The following MYT1L variants were observed in gnomAD, a reference collection of about 807,000 sequenced individuals.
MYT1L encodes the protein myelin transcription factor 1 like, also known as myelin transcription factor 1-like protein.
MYT1L carries 12 observed loss-of-function variants against 126.7 expected under a neutral mutation model. The observed-to-expected ratio is 0.09, with a 90% CI of 0.06 to 0.15. The LOEUF is 0.15. Ranked by LOEUF, MYT1L falls within the 10% of genes least tolerant of loss-of-function variation. The pLI, the probability that MYT1L is intolerant of heterozygous loss-of-function variation, is 1.00. For synonymous variants in MYT1L, 541 were observed against 604.2 expected (o/e 0.90, Z 1.53); for missense variants, 979 against 1,585.2 (o/e 0.62, Z 6.49).
At chr2:1,835,033 T>TACTCCTCCATATACCAC in intron 21 of MYT1L, among the ~76,000 whole-genome samples, 1 of 124,334 alleles carries the variant, frequency 8.0e-6, no homozygotes, top group African/African-American at 3.9e-5. Flanking sequence ...TGGATACAGG[T>TACTCCTCCATATACCAC]GCTCCTCCAC....
chr2:2,327,711 A>T (rs942239860), intron 1 of MYT1L, among the ~76,000 whole-genome samples: 2 of 152,186 alleles, frequency 1.3e-5, no homozygotes. Flanking sequence ...TTGATTGAAA[A>T]TTATAGCCCT....
intron 3 of MYT1L, among the ~76,000 whole-genome samples, chr2:2,163,905 C>G (rs994909880): frequency 4.6e-5 from 7 of 152,228 alleles, no homozygotes; most frequent in African/African-American, 1.7e-4. Context: ...TGTCTGTGAG[C>G]AAAGTTCTTG....
At chr2:2,119,104 C>T (rs778851889) in intron 3 of MYT1L, among the ~76,000 whole-genome samples, 4 of 152,226 alleles carry the variant, frequency 2.6e-5, no homozygotes, top group Admixed American at 1.3e-4. Context: ...TGAAACCTTA[C>T]GCTACCTCTG....
chr2:2,231,695 G>C (rs1235378192), intron 2 of MYT1L, among the ~76,000 whole-genome samples: 1 of 151,962 alleles, frequency 6.6e-6, no homozygotes, highest in East Asian at 1.9e-4. Context: ...CAATCCACCC[G>C]CCTCAGCCTC....
intron 21 of MYT1L, among the ~76,000 whole-genome samples, chr2:1,834,987 G>T (rs55796092): frequency 4.8e-5 from 6 of 123,854 alleles, no homozygotes; most frequent in South Asian, 2.4e-4. Flanking sequence ...CATACCACGG[G>T]GATGGATACA....
chr2:2,063,468 G>A (rs1235201120), intron 3 of MYT1L, among the ~76,000 whole-genome samples: 2 of 152,082 alleles, frequency 1.3e-5, no homozygotes, highest in Non-Finnish European at 2.9e-5. Flanking sequence ...TGCCTCCTGG[G>A]CTCCTGACTA....
intron 1 of MYT1L, among the ~76,000 whole-genome samples, chr2:2,289,016 C>T (rs2095560938): frequency 1.3e-5 from 2 of 152,228 alleles, no homozygotes; most frequent in African/African-American, 4.8e-5. Context: ...TGTTAAGTAG[C>T]TTTCCTGCAG....
Position 1,943,105 on chromosome 2 carries a change from C to T in MYT1L, c.382G>A (p.Asp128Asn), listed in dbSNP as rs1234190034. Residue 128 changes from aspartate (D) to asparagine (N), a missense_variant, in exon 9 of 25, where the codon GAC (aspartate) becomes AAC (asparagine). Asp to Asn is a conservative substitution (Grantham distance 23). This residue lies in a region of MYT1L where 111 missense variants were observed against 115.9 expected (regional missense o/e 0.96). Coordinates refer to ENST00000647738, the MANE Select transcript of MYT1L (RefSeq NM_001303052.2). The surrounding 1 kb of genome is among the most constrained non-coding windows in gnomAD (Gnocchi z 4.4). ...TCGATCTCCTCCTCCTCCTCCCGGT[C>T]CCCCTCCTCGTCCTCCTCGTCCTCA... The part of the protein sequence containing the change: ...GDEDEEDEEG[D>N]REEEEEIEEE... 3.4e-6 allele frequency: 5 copies of T among 1,477,380 alleles called. No individual in the cohort carries two copies. Among genetic ancestry groups the T allele is most frequent in the Non-Finnish European group, 3.7e-6 (4 of 1,079,556 alleles). 91.5% of individuals were successfully genotyped at this position (1,477,380 alleles called of 1,614,324 possible).
At chr2:2,216,592 C>T (rs2093683666) in intron 2 of MYT1L, among the ~76,000 whole-genome samples, 2 of 152,082 alleles carry the variant, frequency 1.3e-5, no homozygotes, top group South Asian at 4.2e-4. Context: ...ACTTCAGCTT[C>T]CGCCTTAAGC....
At chr2:2,313,732 T>C (rs2096015258) in intron 1 of MYT1L, among the ~76,000 whole-genome samples, 1 of 152,194 alleles carries the variant, frequency 6.6e-6, no homozygotes, top group African/African-American at 2.4e-5. Flanking sequence ...TTTATACTCT[T>C]ACTTTTAGAG....
At chr2:1,999,847 AT>A (rs2149635975) in intron 4 of MYT1L, among the ~76,000 whole-genome samples, 1 of 152,376 alleles carries the variant, frequency 6.6e-6, no homozygotes, top group South Asian at 2.1e-4. Flanking sequence ...ATATCTAAAA[AT>A]TAAACAGTTA....
At chr2:2,138,951 A>G (rs535190830) in intron 3 of MYT1L, among the ~76,000 whole-genome samples, 3 of 152,014 alleles carry the variant, frequency 2.0e-5, no homozygotes, top group African/African-American at 7.2e-5. Flanking sequence ...GCCACTTGCC[A>G]TGCCATTCTG....
At chr2:1,927,748 G>A (rs1320284618) in intron 9 of MYT1L, among the ~76,000 whole-genome samples, 1 of 152,204 alleles carries the variant, frequency 6.6e-6, no homozygotes, top group African/African-American at 2.4e-5. Context: ...GTGCACTCCA[G>A]TGAGTTTCAA....
At chr2:2,098,351 G>T (rs1198334607) in intron 3 of MYT1L, among the ~76,000 whole-genome samples, 1 of 152,182 alleles carries the variant, frequency 6.6e-6, no homozygotes, top group African/African-American at 2.4e-5. Flanking sequence ...AAGATCATGT[G>T]GAGATTAAAC....
intron 23 of MYT1L, among the ~76,000 whole-genome samples, chr2:1,796,817 C>A (rs1434688876): frequency 6.6e-6 from 1 of 152,156 alleles, no homozygotes; most frequent in Admixed American, 6.5e-5. Context: ...GCTCCAGGCC[C>A]CCACGGTGGG....
intron 2 of MYT1L, among the ~76,000 whole-genome samples, chr2:2,267,714 G>C (rs2095168342): frequency 6.6e-6 from 1 of 152,148 alleles, no homozygotes. Context: ...AGGGTGTGCT[G>C]AGCTCAAGGA....
At chr2:1,989,204 T>C (rs1342846977) in intron 5 of MYT1L, among the ~76,000 whole-genome samples, 1 of 152,184 alleles carries the variant, frequency 6.6e-6, no homozygotes, top group African/African-American at 2.4e-5. Flanking sequence ...TTTCTTGGAC[T>C]CTTCACAGTC....
intron 14 of MYT1L, among the ~76,000 whole-genome samples, chr2:1,899,459 C>T (rs928296828): frequency 1.1e-4 from 16 of 152,336 alleles, no homozygotes; most frequent in Non-Finnish European, 1.9e-4. Context: ...TTGGAGTTCC[C>T]GGGAGAGGGC....
At chr2:1,960,627 C>T (rs1051466925) in intron 8 of MYT1L, among the ~76,000 whole-genome samples, 16 of 152,200 alleles carry the variant, frequency 1.1e-4, no homozygotes, top group South Asian at 2.1e-4. Context: ...AGAGGTCGCA[C>T]GGGAAAACCT....
Sources: allele counts gnomAD v4.1 joint callset (sites outside exome capture counted in the v4.1 genomes callset), GRCh38; gene constraint gnomAD v4.1.1; regional missense constraint gnomAD v4.1.1; non-coding constraint Gnocchi (gnomAD v3.1); transcripts MANE v1.5; gene names NCBI Gene and HGNC (gene_info 2026-07-23, HGNC 2026-07-21).